The following KMT5B variants were observed in gnomAD, a reference collection of about 807,000 sequenced individuals.
KMT5B encodes the protein histone-lysine N-methyltransferase KMT5B.
KMT5B carries 10 observed loss-of-function variants against 83.2 expected under a neutral mutation model. The ratio of observed to expected loss-of-function variants is 0.12; its 90% CI spans 0.07 to 0.20. The LOEUF (loss-of-function observed/expected upper bound fraction) is 0.20. KMT5B is among the 10% of genes least tolerant of loss of function. KMT5B has a pLI of 1.00. For synonymous variants in KMT5B, 349 were observed against 388.8 expected (o/e 0.90, Z 1.20); for missense variants, 753 against 1,067.2 (o/e 0.71, Z 4.10).
At position 68,189,909 on chromosome 11, in the gene KMT5B, G is replaced by A; in HGVS notation, c.160+8C>T. 4 of 1,613,242 alleles carry A rather than the reference G, an allele frequency of 2.5e-6. No individual in the cohort carries two copies. Among genetic ancestry groups the A allele is most frequent in the Non-Finnish European group, 3.4e-6 (4 of 1,179,604 alleles). ...ATCAGAACATTGAAGGTTTAAGTGT[G>A]TACATACATCTGTTCGACCTCCTCT... On this transcript the variant is annotated splice_region_variant and intron_variant, in intron 2 of 10. Transcript: ENST00000304363.
Position 68,180,199 on chromosome 11 carries a change from C to A in KMT5B, c.310G>T (p.Ala104Ser). 6.4e-7 allele frequency: 1 copy of A among 1,564,546 alleles called. No individual in the cohort carries two copies. The highest frequency in any genetic ancestry group is 1.7e-5 in the Admixed American group (1 of 57,948). Reference sequence around the variant, plus strand: ...TGCCTTGAGCTCCTCGAAGGAAAGGCGCTATATAAATGCAAAAACAAACAA... The same window carrying A: ...TGCCTTGAGCTCCTCGAAGGAAAGGAGCTATATAAATGCAAAAACAAACAA... ...GFQTHKMNTSAFPSRSSRHFS... is the reference protein window; with the variant it reads ...GFQTHKMNTSSFPSRSSRHFS... Residue 104 changes from alanine (A) to serine (S), a missense_variant and splice_region_variant, in exon 4 of 11, where the codon GCC becomes TCC. Ala to Ser is a moderately conservative substitution (Grantham distance 99). This residue lies in a region of KMT5B where 71 missense variants were observed against 107.0 expected (regional missense o/e 0.66). Transcript: ENST00000304363.
chr11:68,207,863 G>A (rs1279161144), intron 1 of KMT5B, among the ~76,000 whole-genome samples: 1 of 148,686 alleles, frequency 6.7e-6, no homozygotes, highest in Non-Finnish European at 1.5e-5. Flanking sequence ...TTTTTTAGAC[G>A]CTGTCTCGCT....
In KMT5B at chr11:68,158,663, C is replaced by A. The variant is rs371880484; in HGVS notation, c.1683G>T (p.Leu561Phe). The change falls in exon 11 of 11, where the codon TTG becomes TTT. Residue 561 changes from leucine (L) to phenylalanine (F), a missense_variant. By Grantham distance (22) the Leu-to-Phe change is conservative (BLOSUM62 0). This residue lies in a region of KMT5B where 397 missense variants were observed against 395.9 expected (regional missense o/e 1.00). Coordinates refer to ENST00000304363, the MANE Select transcript of KMT5B (RefSeq NM_017635.5). ...ASDIKLEPNT[L>F]NGYKSSVTEP... ...CCGTCACACTGCTTTTATAGCCATT[C>A]AACGTATTTGGTTCAAGCTTGATGT... 73 of 1,613,996 alleles carry A rather than the reference C, an allele frequency of 4.5e-5. No individual in the cohort carries two copies. In the Middle Eastern group the frequency reaches 8.2e-4, roughly 18 times the overall value.
chr11:68,200,941 T>C (rs940122318), intron 1 of KMT5B, among the ~76,000 whole-genome samples: 2 of 152,172 alleles, frequency 1.3e-5, no homozygotes, highest in Non-Finnish European at 2.9e-5. Flanking sequence ...TCACCTTATG[T>C]GGTTTCACTG....
At chr11:68,170,172 A>G (rs534724176) in intron 9 of KMT5B, among the ~76,000 whole-genome samples, 1 of 152,320 alleles carries the variant, frequency 6.6e-6, no homozygotes, top group South Asian at 2.1e-4. Flanking sequence ...TAACTCCAAA[A>G]GCAATATGAA....
intron 6 of KMT5B, among the ~76,000 whole-genome samples, chr11:68,173,577 T>C (rs1856052559): frequency 6.6e-6 from 1 of 152,032 alleles, no homozygotes; most frequent in African/African-American, 2.4e-5. Context: ...CCAGAGTCAA[T>C]AAAGGAAAAT....
chr11:68,196,818 C>T (rs760851315), intron 1 of KMT5B, among the ~76,000 whole-genome samples: 2 of 152,066 alleles, frequency 1.3e-5, no homozygotes, highest in African/African-American at 4.8e-5. Context: ...CTGTAGAATG[C>T]CTGTGTTTAA....
intron 4 of KMT5B, chr11:68,179,511 T>C (rs1441036033): frequency 7.7e-7 from 1 of 1,304,258 alleles, no homozygotes; most frequent in Non-Finnish European, 1.0e-6. Context: ...CCAGGTTTTC[T>C]TGCTATTTGG....
chr11:68,166,145 C>A, intron 10 of KMT5B: 1 of 1,411,412 alleles, frequency 7.1e-7, no homozygotes, highest in South Asian at 1.7e-5. Context: ...ACAAGTGAGA[C>A]TCAAGAGTCT....
In KMT5B at chr11:68,158,859, G is replaced by A; in HGVS notation, c.1487C>T (p.Pro496Leu). Residue 496 changes from proline to leucine, a missense_variant, in exon 11 of 11, where the codon CCA (proline) becomes CTA (leucine). By Grantham distance (98) the Pro-to-Leu change is moderately conservative. Transcript: ENST00000304363. ...AACTGCGGCTTGGGCTGGTCCCTCT[G>A]GCTCCTTATCTTTTTTAATGGGCAA... The part of the protein sequence containing the change: ...KNLPIKKDKE[P>L]EGPAQAAVAS... 1 of 1,614,070 alleles carries A rather than the reference G, an allele frequency of 6.2e-7. No individual in the cohort carries two copies. Among genetic ancestry groups the A allele is most frequent in the Non-Finnish European group, 8.5e-7 (1 of 1,180,026 alleles).
intron 1 of KMT5B, among the ~76,000 whole-genome samples, chr11:68,197,560 CT>C (rs774594353): frequency 6.6e-6 from 1 of 152,170 alleles, no homozygotes; most frequent in Admixed American, 6.5e-5. Context: ...TAATAGCAAA[CT>C]TTGGTTCAAT....
In KMT5B at chr11:68,158,819, C is replaced by A; in HGVS notation, c.1527G>T (p.Leu509Phe). The change falls in exon 11 of 11, where the codon TTG becomes TTT. Residue 509 changes from leucine (L) to phenylalanine (F), a missense_variant. Physicochemically the swap from Leu to Phe is conservative, Grantham distance 22. Coordinates refer to ENST00000304363, the MANE Select transcript of KMT5B (RefSeq NM_017635.5). ...TGTGTTCTCTCGCCGCGTGTCTAGT[C>A]AAGCACCCGCTGGCAACTGCGGCTT... The part of the protein sequence containing the change: ...PAQAAVASGC[L>F]TRHAAREHRQ... The A allele has an allele frequency of 6.2e-7, 1 of 1,614,170 alleles. No individual in the cohort carries two copies. Among genetic ancestry groups the A allele is most frequent in the Non-Finnish European group, 8.5e-7 (1 of 1,180,046 alleles).
intron 1 of KMT5B, among the ~76,000 whole-genome samples, chr11:68,212,271 ACAAT>A (rs1006273067): frequency 6.6e-5 from 10 of 152,228 alleles, no homozygotes; most frequent in African/African-American, 1.2e-4. Context: ...ACAAAGAACC[ACAAT>A]CAATCAAATT....
chr11:68,205,912 G>GC (rs200519286), intron 1 of KMT5B, among the ~76,000 whole-genome samples: 1,580 of 152,260 alleles, frequency 0.01, 12 homozygotes, highest in Non-Finnish European at 0.015. Context: ...GAGCCACCGC[G>GC]CCCGGCCAGA....
In KMT5B at chr11:68,166,583, C is replaced by T. The variant is rs1855340799; in HGVS notation, c.1174+399G>A. ...GCTATGAATTCCCCAAGTCCATCAT[C>T]TTTTCTAACAAACTGGCTAGGCACT... On this transcript the variant is annotated intron_variant, in intron 10 of 10. Transcript: ENST00000304363. 7 of 1,006,478 alleles carry T rather than the reference C, an allele frequency of 7.0e-6. No individual in the cohort carries two copies. In the South Asian group the frequency reaches 3.0e-4, roughly 44 times the overall value. The allele number at this position is 1,006,478 out of a possible 1,614,324, so 62.3% of individuals were successfully genotyped here.
chr11:68,165,018 A>T (rs1188448742), intron 10 of KMT5B, among the ~76,000 whole-genome samples: 1 of 152,234 alleles, frequency 6.6e-6, no homozygotes, highest in Admixed American at 6.5e-5. Context: ...TACACCCAAC[A>T]TCTTCCAAAA....
intron 10 of KMT5B, among the ~76,000 whole-genome samples, chr11:68,163,862 C>T (rs1855064008): frequency 1.3e-5 from 2 of 152,186 alleles, no homozygotes; most frequent in African/African-American, 4.8e-5. Context: ...GAGTGAGGAG[C>T]AGCGCCCCAG....
chr11:68,192,323 A>C lies in KMT5B; in HGVS notation c.-76-2171T>G, dbSNP rs376169755. ...ACTGATGTCTCCACTCTTTAAAGAC[A>C]ATCTTGGCTCTCCCCAATCATATGA... On this transcript the variant is annotated intron_variant, in intron 1 of 10. Coordinates refer to ENST00000304363, the MANE Select transcript of KMT5B (RefSeq NM_017635.5). Among the ~76,000 whole-genome samples the C allele has an allele frequency of 2.6e-3, 395 of 152,342 alleles. 11 individuals are homozygous for C. The South Asian group carries it at 0.077, about 30-fold the overall frequency.
chr11:68,160,670 C>G lies in KMT5B; in HGVS notation c.1175-1499G>C, dbSNP rs540640294. On this transcript the variant is annotated intron_variant, in intron 10 of 10. Transcript: ENST00000304363. ...AGTTCAGTTTTTATTGAGAGAGGAG[C>G]AAGAATGCATCACAACATTCCAAAA... Among the ~76,000 whole-genome samples, 36 of 152,138 alleles carry G rather than the reference C, an allele frequency of 2.4e-4. 1 individual carries two copies. Among genetic ancestry groups the G allele is most frequent in the Non-Finnish European group, 4.4e-4 (30 of 68,018 alleles).
Sources: allele counts gnomAD v4.1 joint callset (sites outside exome capture counted in the v4.1 genomes callset), GRCh38; gene constraint gnomAD v4.1.1; regional missense constraint gnomAD v4.1.1; transcripts MANE v1.5; gene names NCBI Gene and HGNC (gene_info 2026-07-23, HGNC 2026-07-21).